PLCG2: variants seen among roughly 807,000 people sequenced by gnomAD.
PLCG2 encodes phospholipase C gamma 2.
A neutral mutation model predicts 175.6 loss-of-function variants in PLCG2; 69 were observed. The ratio of observed to expected loss-of-function variants is 0.39; its 90% CI spans 0.32 to 0.48. The LOEUF (loss-of-function observed/expected upper bound fraction) is 0.48. Among genes scored for constraint, PLCG2 ranks in the 20% least tolerant of loss-of-function variants. The pLI, the probability that PLCG2 is intolerant of heterozygous loss-of-function variation, is 0.91. For synonymous variants in PLCG2, 827 were observed against 624.0 expected (o/e 1.33, Z -4.85); for missense variants, 1,798 against 1,650.9 (o/e 1.09, Z -1.54).
At chr16:81,752,319 C>T (rs963948120) in intron 1 of PLCG2, among the ~76,000 whole-genome samples, 2 of 152,140 alleles carry the variant, frequency 1.3e-5, no homozygotes, top group African/African-American at 4.8e-5. Flanking sequence ...AGCACCCGGC[C>T]AGCTCTGAGA....
At chr16:81,844,232 A>G (rs1762489898) in intron 2 of PLCG2, among the ~76,000 whole-genome samples, 1 of 144,622 alleles carries the variant, frequency 6.9e-6, no homozygotes, top group African/African-American at 2.6e-5. Context: ...TGACCTCGTG[A>G]TCCACCCGCC....
chr16:81,770,333 A>T (rs934550395), intron 2 of PLCG2, among the ~76,000 whole-genome samples: 4 of 152,226 alleles, frequency 2.6e-5, no homozygotes, highest in African/African-American at 9.6e-5. Flanking sequence ...TATAACAACT[A>T]AGACATGCAT....
At chr16:81,798,710 C>G (rs1911584225) in intron 2 of PLCG2, 1 of 152,314 alleles carries the variant, frequency 6.6e-6, no homozygotes, top group Non-Finnish European at 1.5e-5. Context: ...GAAATGGGAA[C>G]TTACTAATTT....
chr16:81,928,658 A>T (rs750094972), intron 24 of PLCG2, 34 bp downstream of exon 24: 2 of 1,458,672 alleles, frequency 1.4e-6, no homozygotes, highest in South Asian at 2.3e-5. Flanking sequence ...CTGGATTTCC[A>T]CCCCTATCCC....
chr16:81,900,819 C>T, intron 14 of PLCG2, 39 bp downstream of exon 14: 2 of 1,567,320 alleles, frequency 1.3e-6, no homozygotes, highest in Non-Finnish European at 1.7e-6. Flanking sequence ...GTCCAGGGAG[C>T]CCAGTGGCTC....
At chr16:81,871,593 T>C (rs935721845) in intron 7 of PLCG2, among the ~76,000 whole-genome samples, 1 of 152,204 alleles carries the variant, frequency 6.6e-6, no homozygotes, top group Non-Finnish European at 1.5e-5. Flanking sequence ...CCGCCTCCAC[T>C]TCCTAAAGTG....
At chr16:81,743,961 C>T (rs1180250364) in intron 1 of PLCG2, among the ~76,000 whole-genome samples, 1 of 151,854 alleles carries the variant, frequency 6.6e-6, no homozygotes, top group Non-Finnish European at 1.5e-5. Context: ...TGGGTTCAAG[C>T]AATTCTCCTG....
chr16:81,851,391 T>A (rs568126123), intron 2 of PLCG2, among the ~76,000 whole-genome samples: 45 of 152,352 alleles, frequency 3.0e-4, no homozygotes, highest in African/African-American at 1.1e-3. Context: ...TTATTTTGCA[T>A]TTGTTTTGGT....
intron 2 of PLCG2, among the ~76,000 whole-genome samples, chr16:81,803,125 T>G (rs1220538311): frequency 4.3e-5 from 6 of 139,552 alleles, no homozygotes; most frequent in Non-Finnish European, 7.7e-5. Flanking sequence ...TTTTTTTTTT[T>G]TTTTTTTTTG....
At chr16:81,764,082 C>T (rs1359970190) in intron 2 of PLCG2, among the ~76,000 whole-genome samples, 2 of 151,962 alleles carry the variant, frequency 1.3e-5, no homozygotes, top group African/African-American at 2.4e-5. Flanking sequence ...TGCTTAAGCC[C>T]AGGAGTTCGA....
intron 2 of PLCG2, among the ~76,000 whole-genome samples, chr16:81,803,379 A>G (rs1911830098): frequency 1.3e-5 from 2 of 152,000 alleles, no homozygotes; most frequent in Admixed American, 6.6e-5. Context: ...TTCATATTGT[A>G]GCATATTATC....
chr16:81,784,611 A>G (rs908221133), intron 1 of PLCG2, among the ~76,000 whole-genome samples: 21 of 152,352 alleles, frequency 1.4e-4, no homozygotes, highest in African/African-American at 4.6e-4. Context: ...AAAGGAGGAG[A>G]TAAGAAACAG....
chr16:81,958,129 C>T lies in PLCG2; in HGVS notation c.*131C>T, dbSNP rs1911649818. On this transcript the variant is annotated 3_prime_UTR_variant, in exon 33 of 33. Coordinates refer to ENST00000564138, the MANE Select transcript of PLCG2 (RefSeq NM_002661.5). ...TTTTCTTCAAGCCTGCCATCAAGGA[C>T]ATTTCTTAAGACCCAACTGGCATGA... 1.4e-6 allele frequency: 1 copy of T among 706,004 alleles called. No individual in the cohort carries two copies. The highest frequency in any genetic ancestry group is 1.8e-5 in the African/African-American group (1 of 57,018). 43.7% of individuals were successfully genotyped at this position (706,004 alleles called of 1,614,324 possible).
At position 81,854,298 on chromosome 16, in the gene PLCG2, A is replaced by G. The variant is rs4072831; in HGVS notation, c.194-146A>G. On this transcript the variant is annotated intron_variant, in intron 2 of 32. Transcript: ENST00000564138. ...CTTTGTCCATTTCCAGAAGGAGGGG[A>G]CACTGAGTCCAGACGCAGAGATAGC... 0.28 allele frequency: 200,068 copies of G among 710,972 alleles called. 30,110 individuals carry two copies. Among genetic ancestry groups the G allele is most frequent in the Non-Finnish European group, 0.31 (127,291 of 406,226 alleles). 44.0% of individuals were successfully genotyped at this position (710,972 alleles called of 1,614,324 possible).
At chr16:81,781,237 C>G (rs879095703) in intron 1 of PLCG2, among the ~76,000 whole-genome samples, 2 of 152,180 alleles carry the variant, frequency 1.3e-5, no homozygotes, top group Admixed American at 1.3e-4. Context: ...TTGTATTATA[C>G]TCATACAGTT....
At chr16:81,843,647 A>G (rs1905953564) in intron 2 of PLCG2, among the ~76,000 whole-genome samples, 1 of 152,252 alleles carries the variant, frequency 6.6e-6, no homozygotes, top group African/African-American at 2.4e-5. Flanking sequence ...CAAAAAGTAC[A>G]TAGGATACTA....
intron 1 of PLCG2, among the ~76,000 whole-genome samples, chr16:81,744,096 A>G (rs9937275): frequency 0.63 from 94,462 of 150,476 alleles, 29,744 homozygotes; most frequent in Middle Eastern, 0.66. Context: ...CTGACCTCGT[A>G]ATCCACCCGC....
At chr16:81,931,452 CCTCT>C in intron 24 of PLCG2, 41 bp from the exon 25 acceptor site, 2 of 1,590,052 alleles carry the variant, frequency 1.3e-6, no homozygotes, top group Non-Finnish European at 1.7e-6. Flanking sequence ...TCTTTGTGGC[CCTCT>C]AATAGGCTGA....
At chr16:81,831,759 C>T (rs2143387334) in intron 2 of PLCG2, among the ~76,000 whole-genome samples, 1 of 152,262 alleles carries the variant, frequency 6.6e-6, no homozygotes, top group Non-Finnish European at 1.5e-5. Flanking sequence ...CGCTCTTGCC[C>T]CAATCCTGCC....
Sources: allele counts gnomAD v4.1 joint callset (sites outside exome capture counted in the v4.1 genomes callset), GRCh38; gene constraint gnomAD v4.1.1; transcripts MANE v1.5; gene names NCBI Gene and HGNC (gene_info 2026-07-23, HGNC 2026-07-21).